Variants in DYNC2H1 observed in about 807,000 individuals in gnomAD.
DYNC2H1 encodes cytoplasmic dynein 2 heavy chain 1.
Under a neutral mutation model 570.0 loss-of-function variants are expected in DYNC2H1, and 410 were observed. The observed-to-expected ratio is 0.72, with a 90% CI of 0.66 to 0.78. The LOEUF (loss-of-function observed/expected upper bound fraction) is 0.78. DYNC2H1 is among the 30% of genes least tolerant of loss of function. The pLI, the probability that DYNC2H1 is intolerant of heterozygous loss-of-function variation, is 0.00. For synonymous variants in DYNC2H1, 1,688 were observed against 1,677.6 expected (o/e 1.01, Z -0.15); for missense variants, 4,865 against 5,046.4 (o/e 0.96, Z 1.09).
chr11:103,238,635 C>T (rs1247084027), intron 63 of DYNC2H1, among the ~76,000 whole-genome samples: 1 of 152,024 alleles, frequency 6.6e-6, no homozygotes, highest in East Asian at 1.9e-4. Flanking sequence ...GAGGTTCTCC[C>T]TCTCAGCGGA....
chr11:103,125,969 G>A (rs541661358), intron 12 of DYNC2H1, among the ~76,000 whole-genome samples: 2 of 152,222 alleles, frequency 1.3e-5, no homozygotes, highest in Admixed American at 1.3e-4. Flanking sequence ...TTTCTCTGTT[G>A]TGTCTTTCTT....
Position 103,109,724 on chromosome 11 carries a change from C to T in DYNC2H1, c.150C>T (p.Leu50=), listed in dbSNP as rs371306668. 10 of 1,613,876 alleles carry T rather than the reference C, an allele frequency of 6.2e-6. No individual in the cohort carries two copies. The highest frequency in any genetic ancestry group is 7.6e-6 in the Non-Finnish European group (9 of 1,179,902). ...TCTTGGATGACGGCAACCAGATGCT[C>T]CTCAGGGTGCAGCGATCCGACGCAG... ...NNFLDDGNQM[L]LRVQRSDAGI... is the part of the protein sequence containing the mutation. The change falls in exon 1 of 89, where the codon CTC becomes CTT. Residue 50 remains leucine, a synonymous_variant. Coordinates refer to ENST00000375735, the MANE Select transcript of DYNC2H1 (RefSeq NM_001377.3).
chr11:103,111,239 C>T (rs1858097938), intron 1 of DYNC2H1, among the ~76,000 whole-genome samples: 1 of 152,214 alleles, frequency 6.6e-6, no homozygotes, highest in Non-Finnish European at 1.5e-5. Context: ...ACATGCAAGG[C>T]ACTTTGCCAG....
chr11:103,139,093 T>G (rs1367990747), intron 17 of DYNC2H1, among the ~76,000 whole-genome samples: 1 of 151,742 alleles, frequency 6.6e-6, no homozygotes, highest in Admixed American at 6.6e-5. Context: ...ATCTATTTGA[T>G]TCTTCTCTCT....
At chr11:103,230,549 G>A (rs1284163160) in intron 59 of DYNC2H1, among the ~76,000 whole-genome samples, 1 of 152,088 alleles carries the variant, frequency 6.6e-6, no homozygotes, top group African/African-American at 2.4e-5. Context: ...AATAGAGGAT[G>A]GATTCTGAGG....
intron 47 of DYNC2H1, 80 bp from the exon 48 acceptor site, chr11:103,197,853 A>G: frequency 2.8e-6 from 4 of 1,433,762 alleles, no homozygotes; most frequent in East Asian, 5.0e-5. Flanking sequence ...TAACTTAAAA[A>G]TGTTTTAGTA....
Position 103,243,290 on chromosome 11 carries a change from TA to T in DYNC2H1, c.9820-402del, listed in dbSNP as rs1864488709. Among the ~76,000 whole-genome samples, 2 of 141,106 alleles carry T rather than the reference TA, an allele frequency of 1.4e-5. No homozygotes were observed. Among genetic ancestry groups the T allele is most frequent in the African/African-American group, 5.4e-5 (2 of 37,028 alleles). The allele number at this position is 141,106 out of a possible 152,430, so 92.6% of individuals were successfully genotyped here. ...ATAGATAGATAGATAGATAGATAGATAGATAGATAGATAGATAAATAGAGAA... is the reference window on the plus strand; with the variant it reads ...ATAGATAGATAGATAGATAGATAGATGATAGATAGATAGATAAATAGAGAA... On this transcript the variant is annotated intron_variant, in intron 63 of 88. Coordinates refer to ENST00000375735, the MANE Select transcript of DYNC2H1 (RefSeq NM_001377.3). The surrounding 1 kb of genome is among the most constrained non-coding windows in gnomAD (Gnocchi z 4.8).
intron 47 of DYNC2H1, 66 bp downstream of exon 47, chr11:103,192,330 A>C (rs904147788): frequency 4.0e-6 from 5 of 1,249,556 alleles, no homozygotes; most frequent in Non-Finnish European, 4.2e-6. Context: ...TTTCTTACCC[A>C]GAGCATGATT....
rs1322653978 is a variant in DYNC2H1, at chr11:103,155,580, C to CA, written c.3744+86dup. 13 of 1,371,886 alleles carry CA rather than the reference C, an allele frequency of 9.5e-6. No homozygotes were observed. In the Admixed American group the frequency reaches 2.8e-4, roughly 29 times the overall value. The allele number at this position is 1,371,886 out of a possible 1,614,324, so 85.0% of individuals were successfully genotyped here. On this transcript the variant is annotated intron_variant, in intron 25 of 88. Coordinates refer to ENST00000375735, the MANE Select transcript of DYNC2H1 (RefSeq NM_001377.3). ...TATTGCTTCATATTTTGTTTAAATA[C>CA]AAAAAAAGTCTTCCTTTAAGGGAAT... is the stretch of plus-strand genomic sequence containing the variant.
In DYNC2H1 at chr11:103,158,781, G is replaced by A; in HGVS notation, c.4232G>A (p.Cys1411Tyr). The change falls in exon 27 of 89, where the codon TGT becomes TAT. Residue 1411 changes from cysteine to tyrosine, a missense_variant. Coordinates refer to ENST00000375735, the MANE Select transcript of DYNC2H1 (RefSeq NM_001377.3). ...LLTILDQLQRCQKSLNEFLEE... is the reference protein window; with the variant it reads ...LLTILDQLQRYQKSLNEFLEE... Reference sequence around the variant, plus strand: ...ACAATACTTGATCAGCTTCAAAGATGTCAGAAATCATTAAATGAATTTTTG... The same window carrying A: ...ACAATACTTGATCAGCTTCAAAGATATCAGAAATCATTAAATGAATTTTTG... 1 of 1,487,570 alleles carries A rather than the reference G, an allele frequency of 6.7e-7. No individual in the cohort carries two copies. Among genetic ancestry groups the A allele is most frequent in the Non-Finnish European group, 9.0e-7 (1 of 1,106,436 alleles). 92.1% of individuals were successfully genotyped at this position (1,487,570 alleles called of 1,614,324 possible). A position where few individuals can be genotyped will look rare whatever the true frequency, so the allele number is the denominator to read the frequency against.
rs766020059 is a variant in DYNC2H1 at position 103,115,166 on chromosome 11, G to T, written c.503-11G>T. 5 of 1,579,672 alleles carry T rather than the reference G, an allele frequency of 3.2e-6. No individual in the cohort carries two copies. Among genetic ancestry groups the T allele is most frequent in the Admixed American group, 3.6e-5 (2 of 56,260 alleles). On this transcript the variant is annotated splice_polypyrimidine_tract_variant and intron_variant, in intron 3 of 88. Coordinates refer to ENST00000375735, the MANE Select transcript of DYNC2H1 (RefSeq NM_001377.3). ...TTCTATGCCATTTTTTTCCCCTCTT[G>T]ACTTTTATAGGTATCCTTACACCAA...
At chr11:103,464,135 TG>T (rs1945113226) in intron 87 of DYNC2H1, among the ~76,000 whole-genome samples, 7 of 152,154 alleles carry the variant, frequency 4.6e-5, no homozygotes, top group Admixed American at 1.3e-4. Context: ...TAGAAAAATC[TG>T]ACAAAAAAGT....
At chr11:103,328,909 G>A (rs2135455664) in intron 82 of DYNC2H1, among the ~76,000 whole-genome samples, 2 of 152,258 alleles carry the variant, frequency 1.3e-5, no homozygotes, top group South Asian at 4.1e-4. Flanking sequence ...TTTTGTTTTT[G>A]ATGGTGAGGA....
Position 103,143,370 on chromosome 11 carries a change from G to T in DYNC2H1, c.2677G>T (p.Gly893Trp). The T allele has an allele frequency of 6.2e-7, 1 of 1,611,404 alleles. No homozygotes were observed. The highest frequency in any genetic ancestry group is 1.7e-4 in the Middle Eastern group (1 of 6,036). ...AAATTTTAAAGCATTAAAAATAAAG[G>T]GGAAAGAAGTAGAACGACTTCCAAG... ...EKNFKALKIK[G>W]KEVERLPSAV... Residue 893 changes from glycine (G) to tryptophan (W), a missense_variant, in exon 18 of 89, where the codon GGG (glycine) becomes TGG (tryptophan). Gly to Trp is a radical substitution (Grantham distance 184). Coordinates refer to ENST00000375735, the MANE Select transcript of DYNC2H1 (RefSeq NM_001377.3).
chr11:103,243,684 T>A lies in DYNC2H1; in HGVS notation c.9820-9T>A, dbSNP rs1238549984. 3 of 1,574,050 alleles carry A rather than the reference T, an allele frequency of 1.9e-6. No individual in the cohort carries two copies. The highest frequency in any genetic ancestry group is 2.6e-6 in the Non-Finnish European group (3 of 1,155,976). On this transcript the variant is annotated splice_polypyrimidine_tract_variant and intron_variant, in intron 63 of 88. Transcript: ENST00000375735. This position sits in a 1 kb window ranked among gnomAD's most constrained non-coding sequence, Gnocchi z 4.8. ...TAAAAAACATTACTTTTCCTTTTTTTTATACTAGAGTCGAGTGTGCCCATT... is the reference window on the plus strand; with the variant it reads ...TAAAAAACATTACTTTTCCTTTTTTATATACTAGAGTCGAGTGTGCCCATT...
At chr11:103,112,081 A>G (rs186344587) in intron 1 of DYNC2H1, among the ~76,000 whole-genome samples, 1 of 152,324 alleles carries the variant, frequency 6.6e-6, no homozygotes, top group African/African-American at 2.4e-5. Flanking sequence ...GGTGGGAGAT[A>G]ATCCCTCTCT....
chr11:103,407,615 A>C (rs1942913968), intron 84 of DYNC2H1: 1 of 151,930 alleles, frequency 6.6e-6, no homozygotes, highest in Admixed American at 6.6e-5. Flanking sequence ...TTGATAATGA[A>C]ATTTGTGGTA....
intron 17 of DYNC2H1, among the ~76,000 whole-genome samples, chr11:103,140,082 A>T (rs1161198128): frequency 6.6e-6 from 1 of 152,042 alleles, no homozygotes; most frequent in Admixed American, 6.6e-5. Context: ...ATCTTCCTCC[A>T]TCCTTTTATT....
Position 103,236,141 on chromosome 11 carries a change from G to C in DYNC2H1, c.9710-289G>C, listed in dbSNP as rs554297977. On this transcript the variant is annotated intron_variant, in intron 62 of 88. Coordinates refer to ENST00000375735, the MANE Select transcript of DYNC2H1 (RefSeq NM_001377.3). Reference sequence around the variant, plus strand: ...ATAATAATTTTATTTCATAGGCTGAGATGCAAGAACTTTAAAATTCTTTGT... The same window carrying C: ...ATAATAATTTTATTTCATAGGCTGACATGCAAGAACTTTAAAATTCTTTGT... Among the ~76,000 whole-genome samples the C allele has an allele frequency of 2.0e-5, 3 of 152,024 alleles. No individual in the cohort carries two copies. The South Asian group carries it at 6.2e-4, about 32-fold the overall frequency.
Sources: gnomAD v4.1 joint callset for allele counts (sites outside exome capture counted in the v4.1 genomes callset) on GRCh38, gnomAD v4.1.1 for gene constraint, Gnocchi (gnomAD v3.1) non-coding constraint, MANE v1.5 for transcripts, NCBI Gene and HGNC (gene_info 2026-07-23, HGNC 2026-07-21) for gene names.